Variants in EPS15L1 observed in about 807,000 individuals in gnomAD.
EPS15L1 encodes epidermal growth factor receptor pathway substrate 15 like 1.
EPS15L1 carries 43 observed loss-of-function variants against 117.1 expected under a neutral mutation model. The ratio of observed to expected loss-of-function variants is 0.37; its 90% CI spans 0.29 to 0.47. The LOEUF is 0.47. Among genes scored for constraint, EPS15L1 ranks in the 20% least tolerant of loss-of-function variants. EPS15L1 has a pLI of 0.99. For synonymous variants in EPS15L1, 459 were observed against 470.5 expected (o/e 0.98, Z 0.32); for missense variants, 981 against 1,164.0 (o/e 0.84, Z 2.29).
chr19:16,431,496 G>C (rs777466953), intron 7 of EPS15L1, among the ~76,000 whole-genome samples: 28 of 151,824 alleles, frequency 1.8e-4, no homozygotes, highest in Non-Finnish European at 3.7e-4. Context: ...TAGAGATGGG[G>C]CTTCACCATG....
intron 1 of EPS15L1, among the ~76,000 whole-genome samples, chr19:16,445,701 G>A (rs971678912): frequency 2.0e-5 from 3 of 152,228 alleles, no homozygotes; most frequent in Non-Finnish European, 2.9e-5. Flanking sequence ...AGAGCCCTCT[G>A]TATGCTGAGA....
intron 13 of EPS15L1, among the ~76,000 whole-genome samples, chr19:16,408,505 C>A (rs1216200327): frequency 6.6e-6 from 1 of 151,532 alleles, no homozygotes; most frequent in Non-Finnish European, 1.5e-5. Context: ...TGTAAAAATA[C>A]AAAAATTAGC....
At chr19:16,428,795 G>C (rs1399324629) in intron 7 of EPS15L1, 34 bp from the exon 8 acceptor site, 7 of 1,573,720 alleles carry the variant, frequency 4.4e-6, no homozygotes, top group Non-Finnish European at 6.1e-6. Flanking sequence ...GTAACTGTGG[G>C]AGGAAGGACT....
At position 16,466,129 on chromosome 19, in the gene EPS15L1, C is replaced by T. The variant is rs561630502; in HGVS notation, c.33+5784G>A. Among the ~76,000 whole-genome samples, 4 of 152,142 alleles carry T rather than the reference C, an allele frequency of 2.6e-5. No homozygotes were observed. The South Asian group carries it at 8.3e-4, about 32-fold the overall frequency. On this transcript the variant is annotated intron_variant, in intron 1 of 23. Transcript: ENST00000455140. ...TCAGCCTCCTGAGGAGCTGGGACTA[C>T]AGGCATGTGCCACCACGCCTGGCTA...
At chr19:16,441,838 G>A (rs902813019) in intron 3 of EPS15L1, 54 bp downstream of exon 3, 3 of 1,442,758 alleles carry the variant, frequency 2.1e-6, no homozygotes, top group South Asian at 2.4e-5. Flanking sequence ...CTGACCTGCG[G>A]GGGGAGCTGT....
chr19:16,382,666 T>G (rs2092375885), intron 21 of EPS15L1, among the ~76,000 whole-genome samples: 1 of 151,888 alleles, frequency 6.6e-6, no homozygotes, highest in Non-Finnish European at 1.5e-5. Flanking sequence ...TAAGTTGGAC[T>G]CTTGTTTTTA....
chr19:16,404,687 C>A lies in EPS15L1; in HGVS notation c.1329G>T (p.Gln443His). The change falls in exon 14 of 24, where the codon CAG becomes CAT. Residue 443 changes from glutamine (Q) to histidine (H), a missense_variant. By Grantham distance (24) the Gln-to-His change is conservative. Coordinates refer to ENST00000455140, the MANE Select transcript of EPS15L1 (RefSeq NM_001258374.3). This position sits in a 1 kb window ranked among gnomAD's most constrained non-coding sequence, Gnocchi z 4.2. The stretch of plus-strand genomic sequence containing the variant: ...TCTCGTCCAGGCGGTCTTGAGCATC[C>A]TGTTTCTGAGCCTCGAGCTCCTGCA... Reference protein sequence around the residue: ...SSLQELEAQKQDAQDRLDEMD... With the variant: ...SSLQELEAQKHDAQDRLDEMD... The A allele has an allele frequency of 6.2e-7, 1 of 1,614,202 alleles. No homozygotes were observed. Among genetic ancestry groups the A allele is most frequent in the Non-Finnish European group, 8.5e-7 (1 of 1,180,032 alleles).
In EPS15L1 at chr19:16,398,409, C is replaced by T. The variant is rs138663632; in HGVS notation, c.1792-2942G>A. ...GCAGCTGGAGACAGTGCTGAGTGGA[C>T]GTCAGGTGCTGACGACCACAAGACA... On this transcript the variant is annotated intron_variant, in intron 16 of 23. Coordinates refer to ENST00000455140, the MANE Select transcript of EPS15L1 (RefSeq NM_001258374.3). Among the ~76,000 whole-genome samples the T allele has an allele frequency of 6.6e-4, 100 of 152,204 alleles. 1 individual carries two copies. The highest frequency in any genetic ancestry group is 2.3e-3 in the African/African-American group (95 of 41,520).
intron 22 of EPS15L1, among the ~76,000 whole-genome samples, chr19:16,364,086 C>G (rs1430083610): frequency 6.6e-6 from 1 of 152,172 alleles, no homozygotes; most frequent in Non-Finnish European, 1.5e-5. Context: ...CTAAGAGGCT[C>G]CTCCTCAGGG....
intron 13 of EPS15L1, among the ~76,000 whole-genome samples, chr19:16,407,150 C>A (rs576061831): frequency 6.6e-6 from 1 of 152,326 alleles, no homozygotes; most frequent in East Asian, 1.9e-4. Flanking sequence ...GCCAAATGGA[C>A]TAAGACACAC....
chr19:16,423,273 T>A (rs1036688689), intron 9 of EPS15L1, among the ~76,000 whole-genome samples: 2 of 152,042 alleles, frequency 1.3e-5, no homozygotes, highest in African/African-American at 4.8e-5. Context: ...TTTATCAAAA[T>A]CCATGGAGCT....
chr19:16,360,502 T>C (rs1414376855), intron 23 of EPS15L1, among the ~76,000 whole-genome samples: 1 of 151,662 alleles, frequency 6.6e-6, no homozygotes, highest in Admixed American at 6.6e-5. Context: ...GTAACCCCAG[T>C]ACTTCAAGGT....
intron 23 of EPS15L1, among the ~76,000 whole-genome samples, chr19:16,360,124 A>C (rs1418316351): frequency 6.6e-5 from 10 of 151,606 alleles, no homozygotes; most frequent in African/African-American, 1.9e-4. Flanking sequence ...GGTCACAGGA[A>C]ATAGAATTAT....
rs200672242 is a variant in EPS15L1, at chr19:16,425,146, G to A, written c.729C>T (p.Gly243=). The A allele has an allele frequency of 9.4e-5, 152 of 1,614,172 alleles. 1 individual carries two copies. The East Asian group carries it at 3.1e-3, about 33-fold the overall frequency. The change falls in exon 9 of 24, where the codon GGC becomes GGT. Residue 243 remains glycine (G), a synonymous_variant. Transcript: ENST00000455140. The part of the protein sequence containing the change: ...KDSLRSTPSH[G]SVSSLNSTGS... Reference sequence around the variant, plus strand: ...CTGTGCTGTTGAGGCTGCTGACGCTGCCGTGGGACGGCGTGGAGCGGAGGC... The same window carrying A: ...CTGTGCTGTTGAGGCTGCTGACGCTACCGTGGGACGGCGTGGAGCGGAGGC...
intron 1 of EPS15L1, among the ~76,000 whole-genome samples, chr19:16,464,077 G>C (rs896250516): frequency 1.3e-5 from 2 of 152,212 alleles, no homozygotes; most frequent in African/African-American, 2.4e-5. Flanking sequence ...AGCCTGGCTG[G>C]TGTGCCCAAG....
intron 1 of EPS15L1, among the ~76,000 whole-genome samples, chr19:16,470,762 T>A (rs1241883587): frequency 1.3e-5 from 2 of 152,142 alleles, no homozygotes; most frequent in Non-Finnish European, 2.9e-5. Context: ...GGGTTTGGAA[T>A]TCTTAATTGC....
intron 23 of EPS15L1, among the ~76,000 whole-genome samples, chr19:16,358,919 C>T (rs983344184): frequency 1.3e-4 from 20 of 152,242 alleles, no homozygotes; most frequent in Admixed American, 1.2e-3. Flanking sequence ...CTTCCTAATA[C>T]ACACATTTGC....
intron 23 of EPS15L1, chr19:16,356,244 T>A: frequency 4.6e-6 from 1 of 219,128 alleles, no homozygotes; most frequent in Non-Finnish European, 9.1e-6. Flanking sequence ...ACTCTGGGAA[T>A]GTGGTATTTC....
intron 10 of EPS15L1, among the ~76,000 whole-genome samples, chr19:16,418,321 G>C (rs1599614998): frequency 6.6e-6 from 1 of 152,168 alleles, no homozygotes; most frequent in Non-Finnish European, 1.5e-5. Context: ...GGGCTGTCAG[G>C]GCTGAAGAAC....
Sources: gnomAD v4.1 joint callset for allele counts (sites outside exome capture counted in the v4.1 genomes callset) on GRCh38, gnomAD v4.1.1 for gene constraint, Gnocchi (gnomAD v3.1) non-coding constraint, MANE v1.5 for transcripts, NCBI Gene and HGNC (gene_info 2026-07-23, HGNC 2026-07-21) for gene names.